MYOM3: variants seen among roughly 807,000 people sequenced by gnomAD.
The protein encoded by MYOM3 is myomesin 3.
Under a neutral mutation model 191.7 loss-of-function variants are expected in MYOM3, and 155 were observed. That is an observed-to-expected ratio of 0.81 (90% CI 0.71 to 0.92). The LOEUF (loss-of-function observed/expected upper bound fraction) is 0.92, where lower values mean the gene tolerates loss of function less well. Ranked by LOEUF, MYOM3 falls within the 40% of genes least tolerant of loss-of-function variation. MYOM3 has a pLI of 0.00. For missense variants in MYOM3, 1,889 were observed against 1,890.6 expected (o/e 1.00, Z 0.02); for synonymous variants, 757 against 762.9 (o/e 0.99, Z 0.13).
chr1:24,089,941 T>G, intron 13 of MYOM3, 124 bp downstream of exon 13: 1 of 997,294 alleles, frequency 1.0e-6, no homozygotes, highest in Non-Finnish European at 1.5e-6. Context: ...TGCCTCCAAC[T>G]AGGCCCCACC....
chr1:24,067,313 T>TTTCC (rs1643452304), intron 27 of MYOM3, among the ~76,000 whole-genome samples: 2 of 115,764 alleles, frequency 1.7e-5, no homozygotes, highest in African/African-American at 7.6e-5. Flanking sequence ...TCCTTCTTTC[T>TTTCC]TTCTTTCTTT....
chr1:24,067,305 C>CTTTCCTTCTTTCTTTCTTTCTTTCCTTCT (rs1643451700), intron 27 of MYOM3, among the ~76,000 whole-genome samples: 3 of 70,736 alleles, frequency 4.2e-5, no homozygotes, highest in Non-Finnish European at 9.4e-5. Flanking sequence ...TCTTTCTTTC[C>CTTTCCTTCTTTCTTTCTTTCTTTCCTTCT]TTCTTTCTTT....
intron 24 of MYOM3, 91 bp from the exon 25 acceptor site, chr1:24,071,344 C>T (rs1053095079): frequency 2.1e-6 from 3 of 1,461,740 alleles, no homozygotes; most frequent in Non-Finnish European, 2.8e-6. Flanking sequence ...CCCTTGGCAT[C>T]TGACATGCAA....
chr1:24,089,405 G>T (rs1242891933), intron 14 of MYOM3, 133 bp downstream of exon 14: 34 of 1,225,914 alleles, frequency 2.8e-5, no homozygotes, highest in Non-Finnish European at 1.1e-6. Context: ...TCTGTGTAGG[G>T]CCATGCCTGG....
chr1:24,067,324 CCTTCT>C (rs1557602317), intron 27 of MYOM3, among the ~76,000 whole-genome samples: 5 of 100,512 alleles, frequency 5.0e-5, no homozygotes, highest in Non-Finnish European at 9.6e-5. Context: ...TTCTTTCTTT[CCTTCT>C]TTCTTTCTTT....
At chr1:24,058,818 C>T in intron 36 of MYOM3, 106 bp downstream of exon 36, 2 of 864,978 alleles carry the variant, frequency 2.3e-6, no homozygotes, top group Non-Finnish European at 1.9e-6. Flanking sequence ...CACTTGGCCA[C>T]TCTTTGGCTT....
chr1:24,073,342 G>A (rs1643553697), intron 23 of MYOM3, among the ~76,000 whole-genome samples: 1 of 152,190 alleles, frequency 6.6e-6, no homozygotes. Context: ...GTAGCAGAGT[G>A]TCTCATCTGT....
chr1:24,080,238 C>G, intron 19 of MYOM3, 44 bp from the exon 20 acceptor site: 1 of 1,498,862 alleles, frequency 6.7e-7, no homozygotes, highest in Non-Finnish European at 9.1e-7. Context: ...AGTTGGGCAG[C>G]CAGGCAGCCA....
rs1310872119 is a variant in MYOM3 at position 24,105,779 on chromosome 1, C to T, written c.560+141G>A. The T allele has an allele frequency of 3.5e-6, 3 of 848,662 alleles. No homozygotes were observed. In the South Asian group the frequency reaches 6.6e-5, roughly 19 times the overall value. 52.6% of individuals were successfully genotyped at this position (848,662 alleles called of 1,614,324 possible). On this transcript the variant is annotated intron_variant, in intron 5 of 36. Coordinates refer to ENST00000374434, the MANE Select transcript of MYOM3 (RefSeq NM_152372.4). ...AAAAAAATAACCCAGGCCTGGTTCC[C>T]CAGCAGCTGCTCTATTCGGTGGGTG...
At position 24,065,873 on chromosome 1, in the gene MYOM3, A is replaced by T; in HGVS notation, c.3534+18T>A. The stretch of plus-strand genomic sequence containing the variant: ...AGCCAAAGGAGAAAGTGAGCCCTGA[A>T]GCTGGAGCCACACTTGCCTCTTCAA... On this transcript the variant is annotated intron_variant, in intron 29 of 36. Transcript: ENST00000374434. 1 of 1,555,390 alleles carries T rather than the reference A, an allele frequency of 6.4e-7. No individual in the cohort carries two copies. The highest frequency in any genetic ancestry group is 8.9e-7 in the Non-Finnish European group (1 of 1,126,454).
intron 5 of MYOM3, among the ~76,000 whole-genome samples, chr1:24,104,625 G>A (rs1212837914): frequency 6.6e-6 from 1 of 152,064 alleles, no homozygotes. Context: ...ACAGGCACCC[G>A]CCACCATACC....
intron 32 of MYOM3, among the ~76,000 whole-genome samples, 186 bp downstream of exon 32, chr1:24,062,940 A>G (rs1386106486): frequency 6.6e-6 from 1 of 151,130 alleles, no homozygotes; most frequent in Admixed American, 6.6e-5. Flanking sequence ...TCTATCCTCA[A>G]CTCCTTCTGT....
chr1:24,093,592 G>A (rs1643863401), intron 9 of MYOM3, among the ~76,000 whole-genome samples: 1 of 151,980 alleles, frequency 6.6e-6, no homozygotes. Context: ...GAGGGCTCTC[G>A]GGATGGGAGC....
chr1:24,088,079 C>G (rs1333701250), intron 14 of MYOM3, among the ~76,000 whole-genome samples: 1 of 152,096 alleles, frequency 6.6e-6, no homozygotes, highest in Non-Finnish European at 1.5e-5. Context: ...CATCAGGGAC[C>G]CAGAAGGCAG....
Position 24,067,961 on chromosome 1 carries a change from A to G in MYOM3, c.3355+9T>C. 1 of 1,613,952 alleles carries G rather than the reference A, an allele frequency of 6.2e-7. No individual in the cohort carries two copies. The highest frequency in any genetic ancestry group is 8.5e-7 in the Non-Finnish European group (1 of 1,179,776). Reference sequence around the variant, plus strand: ...CAGGGATTTTGAACTTCACCCCAGCAGCTCTTACCCTGTTTTCTCTTCCAG... The same window carrying G: ...CAGGGATTTTGAACTTCACCCCAGCGGCTCTTACCCTGTTTTCTCTTCCAG... On this transcript the variant is annotated intron_variant, in intron 27 of 36. Transcript: ENST00000374434.
At chr1:24,086,458 T>G (rs1436412797) in intron 15 of MYOM3, among the ~76,000 whole-genome samples, 186 bp downstream of exon 15, 2 of 152,160 alleles carry the variant, frequency 1.3e-5, no homozygotes, top group Non-Finnish European at 2.9e-5. Context: ...ATGAGCCTTC[T>G]GCCCAGAGAA....
Position 24,105,928 on chromosome 1 carries a change from C to T in MYOM3, c.552G>A (p.Gln184=). Residue 184 remains glutamine, a synonymous_variant, in exon 5 of 37, where the codon CAG becomes CAA. Coordinates refer to ENST00000374434, the MANE Select transcript of MYOM3 (RefSeq NM_152372.4). The part of the protein sequence containing the change: ...TCTVQASPPP[Q]VTWYKNDTRI... ...CTGCCCCAGCGGCTTACCAGGTGAC[C>T]TGGGGTGGTGGTGAGGCCTGGACAG... 6.2e-7 allele frequency: 1 copy of T among 1,604,410 alleles called. No homozygotes were observed. Among genetic ancestry groups the T allele is most frequent in the Non-Finnish European group, 8.5e-7 (1 of 1,174,560 alleles).
Position 24,057,623 on chromosome 1 carries a change from A to G in MYOM3, c.4055T>C (p.Leu1352Pro), listed in dbSNP as rs753879182. Residue 1352 changes from leucine (L) to proline (P), a missense_variant, in exon 37 of 37, where the codon CTG (leucine) becomes CCG (proline). Transcript: ENST00000374434. ...TCCTGAGACGATGCAAGTCAAGCAC[A>G]GGGTCTGTTTGAAAAGACAGGAAGG... is the stretch of plus-strand genomic sequence containing the variant. ...DVATIMEDKT[L>P]CLTCIVSGDP... The G allele has an allele frequency of 6.2e-7, 1 of 1,613,686 alleles. No individual in the cohort carries two copies. The highest frequency in any genetic ancestry group is 8.5e-7 in the Non-Finnish European group (1 of 1,179,798).
chr1:24,084,076 G>A (rs1643706582), intron 16 of MYOM3: 1 of 225,156 alleles, frequency 4.4e-6, no homozygotes, highest in African/African-American at 2.3e-5. Flanking sequence ...GTTTGGCTCT[G>A]TACTCCCACT....
Sources: allele counts gnomAD v4.1 joint callset (sites outside exome capture counted in the v4.1 genomes callset), GRCh38; gene constraint gnomAD v4.1.1; transcripts MANE v1.5; gene names NCBI Gene and HGNC (gene_info 2026-07-23, HGNC 2026-07-21).